The following SEMA5A variants were observed in gnomAD, a reference collection of about 807,000 sequenced individuals.
SEMA5A encodes semaphorin 5A.
In SEMA5A, 55 loss-of-function variants were observed where a neutral mutation model predicts 135.5. The ratio of observed to expected loss-of-function variants is 0.41; its 90% CI spans 0.33 to 0.51. The LOEUF is 0.51. SEMA5A is among the 20% of genes least tolerant of loss of function. The probability of loss-of-function intolerance (pLI) is 0.37; values close to 1 mark genes in which losing one functional copy is unlikely to be tolerated. For missense variants in SEMA5A, 1,290 were observed against 1,419.9 expected (o/e 0.91, Z 1.47); for synonymous variants, 580 against 546.5 (o/e 1.06, Z -0.85).
intron 2 of SEMA5A, among the ~76,000 whole-genome samples, chr5:9,407,012 C>T (rs577643304): frequency 6.6e-6 from 1 of 152,316 alleles, no homozygotes; most frequent in African/African-American, 2.4e-5. Flanking sequence ...GGACAGGATA[C>T]ATGTTTATTG....
intron 5 of SEMA5A, among the ~76,000 whole-genome samples, chr5:9,284,497 T>C (rs1029839276): frequency 6.6e-6 from 1 of 152,234 alleles, no homozygotes; most frequent in Non-Finnish European, 1.5e-5. Flanking sequence ...TGAGCCAGCA[T>C]ATAAGGAAAG....
chr5:9,364,651 T>C (rs1275215539), intron 3 of SEMA5A, among the ~76,000 whole-genome samples: 3 of 152,224 alleles, frequency 2.0e-5, no homozygotes, highest in African/African-American at 7.2e-5. Flanking sequence ...CCAGCTTTCA[T>C]AATTTTTAAT....
chr5:9,224,700 G>A lies in SEMA5A; in HGVS notation c.620C>T (p.Ala207Val), dbSNP rs201612297. 81 of 1,614,048 alleles carry A rather than the reference G, an allele frequency of 5.0e-5. No individual in the cohort carries two copies. The highest frequency in any genetic ancestry group is 9.9e-5 in the South Asian group (9 of 91,078). The change falls in exon 8 of 23, where the codon GCG becomes GTG. Residue 207 changes from alanine to valine, a missense_variant. By Grantham distance (64) the Ala-to-Val change is moderately conservative. Around this residue, in one of 3 missense-constraint regions of SEMA5A, gnomAD observed 145 missense variants for 212.0 expected, o/e 0.68. Transcript: ENST00000382496. Reference sequence around the variant, plus strand: ...ATTGAGCCATTTGGAGTTGTACTGCGCCGTGCGGAGAGGAGGTAAAATGCC... The same window carrying A: ...ATTGAGCCATTTGGAGTTGTACTGCACCGTGCGGAGAGGAGGTAAAATGCC... ...SLGILPPLRT[A>V]QYNSKWLNEP...
chr5:9,142,690 G>T (rs978042064), intron 12 of SEMA5A, among the ~76,000 whole-genome samples: 4 of 152,168 alleles, frequency 2.6e-5, no homozygotes, highest in African/African-American at 9.7e-5. Flanking sequence ...TATCTGGCCA[G>T]GCACGGTGGC....
Position 9,083,023 on chromosome 5 carries a change from T to C in SEMA5A, c.2074-16377A>G, listed in dbSNP as rs1211274772. On this transcript the variant is annotated intron_variant, in intron 16 of 22. Coordinates refer to ENST00000382496, the MANE Select transcript of SEMA5A (RefSeq NM_003966.3). Reference sequence around the variant, plus strand: ...GAAGCTGTCTTTTTATCAGCTCATATTCTGTAAATAAGTAGTTAAGATTTA... The same window carrying C: ...GAAGCTGTCTTTTTATCAGCTCATACTCTGTAAATAAGTAGTTAAGATTTA... Among the ~76,000 whole-genome samples, 3 of 152,242 alleles carry C rather than the reference T, an allele frequency of 2.0e-5. No individual in the cohort carries two copies. In the East Asian group the frequency reaches 5.8e-4, roughly 29 times the overall value.
chr5:9,044,258 A>T, intron 22 of SEMA5A, 115 bp downstream of exon 22: 1 of 864,956 alleles, frequency 1.2e-6, no homozygotes, highest in South Asian at 1.6e-5. Flanking sequence ...ATTCTCACAT[A>T]GGGAGAAAAT....
At chr5:9,461,041 A>G (rs1392250728) in intron 1 of SEMA5A, among the ~76,000 whole-genome samples, 1 of 152,228 alleles carries the variant, frequency 6.6e-6, no homozygotes, top group Non-Finnish European at 1.5e-5. Context: ...GATGGATGAG[A>G]AAACTTGAGT....
At chr5:9,300,762 C>T (rs28410794) in intron 5 of SEMA5A, among the ~76,000 whole-genome samples, 21,211 of 152,098 alleles carry the variant, frequency 0.14, 1,571 homozygotes, top group South Asian at 0.19. Context: ...AAAGAAAGTT[C>T]AGGGCTATAT....
At chr5:9,108,336 A>T in intron 15 of SEMA5A, 49 bp from the exon 16 acceptor site, 1 of 1,602,950 alleles carries the variant, frequency 6.2e-7, no homozygotes, top group African/African-American at 1.3e-5. Context: ...GTGCCACTTG[A>T]AACCACTGAC....
chr5:9,043,708 G>A (rs542797711), intron 22 of SEMA5A, among the ~76,000 whole-genome samples: 5 of 152,326 alleles, frequency 3.3e-5, no homozygotes, highest in South Asian at 2.1e-4. Flanking sequence ...AGAAGGATTC[G>A]TTAAAGACTG....
chr5:9,146,467 T>C (rs778278390), intron 12 of SEMA5A, among the ~76,000 whole-genome samples: 1 of 152,318 alleles, frequency 6.6e-6, no homozygotes, highest in Non-Finnish European at 1.5e-5. Context: ...TGGTGATTAA[T>C]TCCCTTACTA....
chr5:9,443,214 C>A (rs1487056228), intron 1 of SEMA5A, among the ~76,000 whole-genome samples: 2 of 152,144 alleles, frequency 1.3e-5, no homozygotes, highest in Non-Finnish European at 2.9e-5. Flanking sequence ...AATAATGTCC[C>A]TTGAAAGAAT....
intron 16 of SEMA5A, among the ~76,000 whole-genome samples, chr5:9,078,458 G>A (rs1448385645): frequency 6.6e-6 from 1 of 152,064 alleles, no homozygotes; most frequent in Non-Finnish European, 1.5e-5. Context: ...TAAGGTTTCA[G>A]CAGGACTGTC....
chr5:9,163,490 C>T (rs968679500), intron 11 of SEMA5A, among the ~76,000 whole-genome samples: 1 of 152,126 alleles, frequency 6.6e-6, no homozygotes, highest in African/African-American at 2.4e-5. Flanking sequence ...ATGGTTTGAA[C>T]AAGATTCCGT....
intron 8 of SEMA5A, among the ~76,000 whole-genome samples, chr5:9,213,821 C>T (rs1746472604): frequency 6.6e-6 from 1 of 152,116 alleles, no homozygotes; most frequent in Non-Finnish European, 1.5e-5. Context: ...ACCAGAGGCA[C>T]TGTGTGGCAT....
chr5:9,507,866 T>C (rs992604567), intron 1 of SEMA5A, among the ~76,000 whole-genome samples: 2 of 151,898 alleles, frequency 1.3e-5, no homozygotes, highest in African/African-American at 4.8e-5. Context: ...TAGCCGGGCA[T>C]GGTGGCGGGC....
intron 1 of SEMA5A, among the ~76,000 whole-genome samples, chr5:9,478,383 A>G (rs906129936): frequency 6.6e-6 from 1 of 152,168 alleles, no homozygotes. Flanking sequence ...CAGACCCCAG[A>G]ATGGTAGATC....
intron 8 of SEMA5A, among the ~76,000 whole-genome samples, chr5:9,203,584 C>T (rs1745842008): frequency 2.6e-5 from 4 of 152,120 alleles, no homozygotes; most frequent in East Asian, 3.9e-4. Context: ...AGACTATTGC[C>T]AATTTTCAAT....
chr5:9,225,120 T>C (rs768912505), intron 7 of SEMA5A, among the ~76,000 whole-genome samples: 3 of 152,144 alleles, frequency 2.0e-5, no homozygotes, highest in Non-Finnish European at 2.9e-5. Flanking sequence ...CTGAACCTTG[T>C]ACCACTGAAT....
Sources: allele counts gnomAD v4.1 joint callset (sites outside exome capture counted in the v4.1 genomes callset), GRCh38; gene constraint gnomAD v4.1.1; regional missense constraint gnomAD v4.1.1; transcripts MANE v1.5; gene names NCBI Gene and HGNC (gene_info 2026-07-23, HGNC 2026-07-21).